Variants in RGL1 observed in about 807,000 individuals in gnomAD.
The protein encoded by RGL1 is ral guanine nucleotide dissociation stimulator-like 1.
In RGL1, 24 loss-of-function variants were observed where a neutral mutation model predicts 95.2. That is an observed-to-expected ratio of 0.25 (90% CI 0.18 to 0.35). The LOEUF (loss-of-function observed/expected upper bound fraction) is 0.35. Among genes scored for constraint, RGL1 ranks in the 10% least tolerant of loss-of-function variants. RGL1 has a pLI of 1.00. For missense variants in RGL1, 715 were observed against 936.3 expected (o/e 0.76, Z 3.08); for synonymous variants, 329 against 344.9 (o/e 0.95, Z 0.51).
intron 1 of RGL1, among the ~76,000 whole-genome samples, chr1:183,722,589 A>G (rs540274933): frequency 7.9e-5 from 12 of 152,334 alleles, no homozygotes; most frequent in Non-Finnish European, 7.3e-5. Flanking sequence ...TAGAGAAAAA[A>G]GGGCACATTC....
intron 1 of RGL1, among the ~76,000 whole-genome samples, chr1:183,687,175 A>C (rs1266827992): frequency 6.6e-6 from 1 of 152,122 alleles, no homozygotes; most frequent in African/African-American, 2.4e-5. Context: ...CATTATATTT[A>C]ACAATATCTG....
intron 2 of RGL1, among the ~76,000 whole-genome samples, chr1:183,747,916 C>T (rs1403553179): frequency 6.6e-6 from 1 of 152,160 alleles, no homozygotes; most frequent in Non-Finnish European, 1.5e-5. Flanking sequence ...ATGGTGCCAG[C>T]TCCTCTTTGT....
chr1:183,794,517 G>C (rs1660599360), intron 2 of RGL1, among the ~76,000 whole-genome samples: 1 of 152,176 alleles, frequency 6.6e-6, no homozygotes, highest in Admixed American at 6.5e-5. Flanking sequence ...CACATTGTAT[G>C]CATTTATCAA....
intron 1 of RGL1, among the ~76,000 whole-genome samples, chr1:183,733,895 A>G (rs1288752221): frequency 6.6e-6 from 1 of 152,146 alleles, no homozygotes; most frequent in Non-Finnish European, 1.5e-5. Context: ...CTACTTAGAG[A>G]CTGTGAGAAG....
At chr1:183,705,801 T>C (rs1490568464) in intron 1 of RGL1, among the ~76,000 whole-genome samples, 1 of 152,214 alleles carries the variant, frequency 6.6e-6, no homozygotes, top group Non-Finnish European at 1.5e-5. Flanking sequence ...TCTGGCTTTT[T>C]GACAGGTAGA....
At chr1:183,700,217 G>A (rs540859743) in intron 1 of RGL1, among the ~76,000 whole-genome samples, 1 of 152,294 alleles carries the variant, frequency 6.6e-6, no homozygotes, top group African/African-American at 2.4e-5. Flanking sequence ...CAATTATGAT[G>A]AGTGGTTTTA....
intron 2 of RGL1, among the ~76,000 whole-genome samples, chr1:183,777,810 C>A (rs765295114): frequency 3.9e-5 from 6 of 152,138 alleles, no homozygotes; most frequent in Non-Finnish European, 7.4e-5. Flanking sequence ...TTAGAGTATA[C>A]TTTTTATTGT....
intron 3 of RGL1, among the ~76,000 whole-genome samples, chr1:183,856,758 G>C (rs1198385731): frequency 6.6e-6 from 1 of 151,840 alleles, no homozygotes; most frequent in Non-Finnish European, 1.5e-5. Context: ...TGGTAGAAGA[G>C]AAAAGAGGAT....
intron 7 of RGL1, among the ~76,000 whole-genome samples, chr1:183,887,332 G>A (rs1237145358): frequency 2.0e-5 from 3 of 151,606 alleles, no homozygotes; most frequent in Non-Finnish European, 4.4e-5. Context: ...GGGTTTGTTT[G>A]GCATAGTTTT....
intron 1 of RGL1, among the ~76,000 whole-genome samples, chr1:183,697,626 T>C (rs1654332010): frequency 6.6e-6 from 1 of 152,212 alleles, no homozygotes; most frequent in Non-Finnish European, 1.5e-5. Flanking sequence ...CATGAGATAG[T>C]CAATCCAGAT....
intron 2 of RGL1, among the ~76,000 whole-genome samples, chr1:183,781,663 T>G (rs890098716): frequency 2.6e-5 from 4 of 152,200 alleles, no homozygotes; most frequent in African/African-American, 4.8e-5. Flanking sequence ...ATGTGTGTGT[T>G]TTAACATATA....
chr1:183,776,395 G>A (rs12136408), intron 2 of RGL1, among the ~76,000 whole-genome samples: 65,945 of 151,114 alleles, frequency 0.44, 15,534 homozygotes, highest in East Asian at 0.8. Context: ...TGATCCGCCC[G>A]CCTCGGCCTC....
At chr1:183,778,693 C>A (rs1659724552) in intron 2 of RGL1, among the ~76,000 whole-genome samples, 1 of 152,064 alleles carries the variant, frequency 6.6e-6, no homozygotes, top group Admixed American at 6.5e-5. Flanking sequence ...AATTCTCTGT[C>A]CTCAGTCTGA....
At chr1:183,679,178 T>C (rs1653031889) in intron 1 of RGL1, among the ~76,000 whole-genome samples, 1 of 152,238 alleles carries the variant, frequency 6.6e-6, no homozygotes, top group Non-Finnish European at 1.5e-5. Context: ...TCTACCTAAG[T>C]TATAATTCAC....
chr1:183,700,708 G>A (rs543312965), intron 1 of RGL1, among the ~76,000 whole-genome samples: 2 of 152,062 alleles, frequency 1.3e-5, no homozygotes, highest in East Asian at 3.9e-4. Context: ...ACCACACTTG[G>A]CTAATTTTTG....
At chr1:183,796,754 T>C (rs75190916) in intron 2 of RGL1, among the ~76,000 whole-genome samples, 1 of 152,144 alleles carries the variant, frequency 6.6e-6, no homozygotes, top group Non-Finnish European at 1.5e-5. Flanking sequence ...GCCCAGTAAC[T>C]CCTTCCTCAA....
chr1:183,726,963 C>T (rs190899833), intron 1 of RGL1, among the ~76,000 whole-genome samples: 115 of 152,206 alleles, frequency 7.6e-4, no homozygotes, highest in African/African-American at 2.1e-3. Flanking sequence ...ACCTATACCA[C>T]TATATGAATT....
At chr1:183,917,937 C>T (rs778841946) in intron 16 of RGL1, among the ~76,000 whole-genome samples, 5 of 152,146 alleles carry the variant, frequency 3.3e-5, no homozygotes, top group African/African-American at 4.8e-5. Flanking sequence ...TAGGAAGCTG[C>T]TATCATGTTC....
intron 2 of RGL1, among the ~76,000 whole-genome samples, chr1:183,752,756 C>T (rs116166802): frequency 1.4e-5 from 2 of 142,074 alleles, no homozygotes; most frequent in African/African-American, 5.4e-5. Flanking sequence ...GTGTGCTTCT[C>T]AGAGTGATAG....
Sources: gnomAD v4.1 joint callset for allele counts (sites outside exome capture counted in the v4.1 genomes callset) on GRCh38, gnomAD v4.1.1 for gene constraint, MANE v1.5 for transcripts, NCBI Gene and HGNC (gene_info 2026-07-23, HGNC 2026-07-21) for gene names.